Variants in CDH23 observed in about 807,000 individuals in gnomAD.
The protein encoded by CDH23 is cadherin-23.
A neutral mutation model predicts 317.1 loss-of-function variants in CDH23; 189 were observed. That is an observed-to-expected ratio of 0.60 (90% CI 0.53 to 0.67). The LOEUF is 0.67. Ranked by LOEUF, CDH23 falls within the 30% of genes least tolerant of loss-of-function variation. The pLI, the probability that CDH23 is intolerant of heterozygous loss-of-function variation, is 0.00. For missense variants in CDH23, 4,401 were observed against 4,592.4 expected, an observed-to-expected ratio of 0.96 and a Z score of 1.20; for synonymous variants, 1,839 against 1,876.8, an observed-to-expected ratio of 0.98 and a Z score of 0.52.
chr10:71,599,889 A>AT (rs1304939027), intron 9 of CDH23, among the ~76,000 whole-genome samples: 1 of 148,054 alleles, frequency 6.8e-6, no homozygotes, highest in African/African-American at 2.5e-5. Flanking sequence ...GCATCTTTCC[A>AT]TTTTCCACCT....
intron 3 of CDH23, among the ~76,000 whole-genome samples, chr10:71,468,922 TC>T (rs2082307727): frequency 6.6e-6 from 1 of 151,998 alleles, no homozygotes; most frequent in African/African-American, 2.4e-5. Context: ...GTGACTGCCC[TC>T]AGGCTGGCTC....
At position 71,802,973 on chromosome 10, in the gene CDH23, G is replaced by GA; in HGVS notation, c.7559dup (p.Asn2521GlufsTer2). The GA allele has an allele frequency of 1.2e-6, 2 of 1,614,032 alleles. No homozygotes were observed. The highest frequency in any genetic ancestry group is 1.7e-6 in the Non-Finnish European group (2 of 1,179,898). On this transcript the variant is annotated frameshift_variant, in exon 54 of 70. Coordinates refer to ENST00000224721, the MANE Select transcript of CDH23 (RefSeq NM_022124.6). LOFTEE classifies it high-confidence loss of function. ...GCCCCAGTTCAGCACAAGCGTGTAT[G>GA]AGAATGAGCCGGCGGGCACCTCGGT...
At chr10:71,622,483 C>G (rs77062140) in intron 11 of CDH23, among the ~76,000 whole-genome samples, 2,799 of 152,210 alleles carry the variant, frequency 0.018, 181 homozygotes, top group East Asian at 0.16. Context: ...GTGTGGCATC[C>G]CCCTCCGAAG....
At chr10:71,570,214 AC>A (rs1857694823) in intron 7 of CDH23, among the ~76,000 whole-genome samples, 1 of 152,122 alleles carries the variant, frequency 6.6e-6, no homozygotes, top group Non-Finnish European at 1.5e-5. Context: ...AAGTCACTGA[AC>A]CAGTAAATCC....
chr10:71,702,429 G>T, intron 23 of CDH23, 120 bp from the exon 24 acceptor site: 1 of 1,329,926 alleles, frequency 7.5e-7, no homozygotes, highest in African/African-American at 1.4e-5. Context: ...TTCCTGGAGG[G>T]GCCTTTGGGA....
chr10:71,435,242 A>G (rs1030687229), intron 1 of CDH23, among the ~76,000 whole-genome samples: 3 of 152,240 alleles, frequency 2.0e-5, no homozygotes, highest in African/African-American at 7.2e-5. Flanking sequence ...AATGACTGGC[A>G]TAGAACATAG....
At chr10:71,739,614 C>T in intron 35 of CDH23, 30 bp from the exon 36 acceptor site, 3 of 1,608,292 alleles carry the variant, frequency 1.9e-6, no homozygotes, top group Non-Finnish European at 2.5e-6. Flanking sequence ...TCCACACCTG[C>T]TCACCCCTCA....
chr10:71,452,954 C>T (rs947580535), intron 3 of CDH23, among the ~76,000 whole-genome samples: 8 of 152,158 alleles, frequency 5.3e-5, no homozygotes, highest in African/African-American at 1.4e-4. Flanking sequence ...GGCACAAAGG[C>T]GGCCTCAGCA....
intron 9 of CDH23, among the ~76,000 whole-genome samples, chr10:71,586,439 G>A (rs552839985): frequency 1.3e-5 from 2 of 152,224 alleles, no homozygotes; most frequent in African/African-American, 4.8e-5. Context: ...TGATTTAAAC[G>A]TAATTCTCGG....
chr10:71,771,013 A>T (rs922784347), intron 38 of CDH23, among the ~76,000 whole-genome samples: 36 of 152,128 alleles, frequency 2.4e-4, no homozygotes, highest in African/African-American at 8.7e-4. Context: ...GCACTGGGTT[A>T]CTCAACAAGG....
chr10:71,716,168 G>C, intron 28 of CDH23: 1 of 1,550,970 alleles, frequency 6.4e-7, no homozygotes, highest in Non-Finnish European at 8.7e-7. Flanking sequence ...CTTGCAGAGC[G>C]TCATGAACAG....
chr10:71,695,648 G>C (rs1319864849), intron 22 of CDH23, 123 bp downstream of exon 22: 2 of 681,294 alleles, frequency 2.9e-6, no homozygotes, highest in Non-Finnish European at 5.2e-6. Context: ...CTCTGAGCTG[G>C]CTCTTGCAAT....
At chr10:71,812,081 G>A (rs895286571) in intron 66 of CDH23, 66 bp downstream of exon 66, 1 of 1,612,238 alleles carries the variant, frequency 6.2e-7, no homozygotes, top group Non-Finnish European at 8.5e-7. Context: ...GCTGGGGAGA[G>A]CTGCAGTCTC....
intron 14 of CDH23, among the ~76,000 whole-genome samples, chr10:71,648,627 G>A (rs370592819): frequency 1.5e-3 from 221 of 152,260 alleles, no homozygotes; most frequent in African/African-American, 5.1e-3. Context: ...TGGTGCCAAG[G>A]ACAGCTGTGT....
chr10:71,585,721 G>T (rs1246498101), intron 9 of CDH23, among the ~76,000 whole-genome samples: 1 of 152,188 alleles, frequency 6.6e-6, no homozygotes, highest in African/African-American at 2.4e-5. Context: ...CCTCTTCTCT[G>T]CAGGGTGTGC....
rs79832625 is a variant in CDH23 at position 71,551,426 on chromosome 10, G to A, written c.430-15316G>A. On this transcript the variant is annotated intron_variant, in intron 6 of 69. Transcript: ENST00000224721. ...GAGGGGTGGGACTCTGTTTCTAGGT[G>A]GAAATCGAGTCTCCGCATTCTTCAT... 8.9e-4 allele frequency among the ~76,000 whole-genome samples: 136 copies of A among 152,316 alleles called. 1 individual carries two copies. The highest frequency in any genetic ancestry group is 3.1e-3 in the African/African-American group (129 of 41,564).
At chr10:71,610,498 GC>G (rs1210258145) in intron 9 of CDH23, among the ~76,000 whole-genome samples, 1 of 152,218 alleles carries the variant, frequency 6.6e-6, no homozygotes, top group African/African-American at 2.4e-5. Context: ...CTGGCCACTT[GC>G]TAGCCATGTG....
intron 48 of CDH23, among the ~76,000 whole-genome samples, chr10:71,794,882 G>T (rs1272518339): frequency 6.6e-6 from 1 of 152,336 alleles, no homozygotes; most frequent in South Asian, 2.1e-4. Flanking sequence ...TGATGGTGGA[G>T]TTGGGGCCAT....
intron 38 of CDH23, among the ~76,000 whole-genome samples, chr10:71,742,742 A>G (rs1839771506): frequency 6.6e-6 from 1 of 152,228 alleles, no homozygotes; most frequent in Non-Finnish European, 1.5e-5. Context: ...CATGAGGAGG[A>G]AGAGGACTGT....
Sources: gnomAD v4.1 joint callset for allele counts (sites outside exome capture counted in the v4.1 genomes callset) on GRCh38, gnomAD v4.1.1 for gene constraint, MANE v1.5 for transcripts, NCBI Gene and HGNC (gene_info 2026-07-23, HGNC 2026-07-21) for gene names.